The following BAZ2A variants were observed in gnomAD, a reference collection of about 807,000 sequenced individuals.
The protein encoded by BAZ2A is bromodomain adjacent to zinc finger domain 2A.
In BAZ2A, 34 loss-of-function variants were observed where a neutral mutation model predicts 199.9. The ratio of observed to expected loss-of-function variants is 0.17; its 90% CI spans 0.13 to 0.23. BAZ2A has a LOEUF of 0.23. Among genes scored for constraint, BAZ2A ranks in the 10% least tolerant of loss-of-function variants. The pLI is 1.00. For missense variants in BAZ2A, 2,002 were observed against 2,391.1 expected (o/e 0.84, Z 3.39); for synonymous variants, 857 against 883.9 (o/e 0.97, Z 0.54).
At chr12:56,604,933 A>G (rs1362133209) in intron 14 of BAZ2A, 134 bp from the exon 15 acceptor site, 12 of 1,381,550 alleles carry the variant, frequency 8.7e-6, no homozygotes, top group Non-Finnish European at 1.1e-5. Context: ...CCACAAAAGA[A>G]AAGGAAAAAA....
chr12:56,606,467 C>T lies in BAZ2A; in HGVS notation c.2194-155G>A, dbSNP rs945127248. 2.8e-5 allele frequency: 33 copies of T among 1,183,126 alleles called. No homozygotes were observed. In the East Asian group the frequency reaches 3.5e-4, roughly 13 times the overall value. The allele number at this position is 1,183,126 out of a possible 1,614,324, so 73.3% of individuals were successfully genotyped here. ...AATTCTCTCACCCTAGAGATGCCCA[C>T]GTTATTTTTGAACAAACCCAATTCT... On this transcript the variant is annotated intron_variant, in intron 11 of 28. Coordinates refer to ENST00000549884, the MANE Select transcript of BAZ2A (RefSeq NM_001300905.2).
chr12:56,629,497 T>C (rs969815659), intron 1 of BAZ2A, among the ~76,000 whole-genome samples: 1 of 152,084 alleles, frequency 6.6e-6, no homozygotes, highest in Non-Finnish European at 1.5e-5. Context: ...GCGGAAGCCC[T>C]ATCAACCTCC....
chr12:56,624,629 A>AC (rs1951023726), intron 1 of BAZ2A, among the ~76,000 whole-genome samples: 3 of 152,076 alleles, frequency 2.0e-5, no homozygotes, highest in African/African-American at 7.2e-5. Context: ...AAAAAAAAAA[A>AC]AAAAACTCAG....
intron 1 of BAZ2A, among the ~76,000 whole-genome samples, chr12:56,622,165 C>T (rs991007059): frequency 6.6e-6 from 1 of 151,966 alleles, no homozygotes; most frequent in Non-Finnish European, 1.5e-5. Flanking sequence ...ATGGCGAAAC[C>T]CCATCTCTAT....
Position 56,597,985 on chromosome 12 carries a change from A to G in BAZ2A, c.*633T>C, listed in dbSNP as rs1052339016. On this transcript the variant is annotated 3_prime_UTR_variant, in exon 29 of 29. Coordinates refer to ENST00000549884, the MANE Select transcript of BAZ2A (RefSeq NM_001300905.2). ...AGGGAAAAGATTTGGGAGAAGAGAA[A>G]AGGAGGGAGGAACCCGTACACGATA... 1.3e-5 allele frequency: 2 copies of G among 152,250 alleles called. No individual in the cohort carries two copies. The highest frequency in any genetic ancestry group is 1.3e-4 in the Admixed American group (2 of 15,260). 9.4% of individuals were successfully genotyped at this position (152,250 alleles called of 1,614,324 possible).
intron 1 of BAZ2A, among the ~76,000 whole-genome samples, chr12:56,624,272 C>CT (rs1296203954): frequency 6.6e-6 from 1 of 152,072 alleles, no homozygotes; most frequent in Admixed American, 6.5e-5. Context: ...CTAGTCAGGA[C>CT]TCCAAGTGAG....
At chr12:56,618,030 T>C (rs1565829206) in intron 1 of BAZ2A, among the ~76,000 whole-genome samples, 1 of 152,232 alleles carries the variant, frequency 6.6e-6, no homozygotes, top group African/African-American at 2.4e-5. Flanking sequence ...ACATAATTTC[T>C]AATTATCCTA....
intron 1 of BAZ2A, among the ~76,000 whole-genome samples, chr12:56,624,396 T>C (rs548730739): frequency 6.6e-6 from 1 of 152,350 alleles, no homozygotes; most frequent in Admixed American, 6.5e-5. Context: ...TCTGTCCTTA[T>C]TTCTTCTACA....
intron 1 of BAZ2A, among the ~76,000 whole-genome samples, chr12:56,620,920 C>A (rs1037744291): frequency 2.0e-5 from 3 of 152,110 alleles, no homozygotes; most frequent in Admixed American, 6.5e-5. Flanking sequence ...GAAAGATAAG[C>A]ATCATGAGAT....
chr12:56,601,134 G>T (rs181824538), intron 21 of BAZ2A, 36 bp from the exon 22 acceptor site: 5 of 1,613,808 alleles, frequency 3.1e-6, no homozygotes, highest in Non-Finnish European at 4.2e-6. Context: ...GGCGCCAGCT[G>T]TGAAGCACTG....
chr12:56,604,340 A>G (rs1469766035), intron 15 of BAZ2A, 49 bp from the exon 16 acceptor site: 1 of 1,531,598 alleles, frequency 6.5e-7, no homozygotes, highest in South Asian at 1.2e-5. Context: ...AAAAAAGGGA[A>G]AGGAGGCTCA....
chr12:56,610,401 T>C lies in BAZ2A; in HGVS notation c.1779+8A>G. 3 of 1,613,072 alleles carry C rather than the reference T, an allele frequency of 1.9e-6. No homozygotes were observed. The highest frequency in any genetic ancestry group is 1.3e-5 in the African/African-American group (1 of 74,996). On this transcript the variant is annotated splice_region_variant and intron_variant, in intron 8 of 28. Transcript: ENST00000549884. ...AAGAAAGCAGTCCTTTAAAAAAAGC[T>C]ACATTACCTTGATCACTTCTGGAAA...
In BAZ2A at chr12:56,600,458, A is replaced by G. The variant is rs1462103481; in HGVS notation, c.4635T>C (p.Arg1545=). Residue 1545 remains arginine, a synonymous_variant, in exon 24 of 29, where the codon CGT becomes CGC. Transcript: ENST00000549884. The stretch of plus-strand genomic sequence containing the variant: ...GGTGCTCACAGTAGGCCAAGTCTTC[A>G]CGGGTAGAGTCTGGGCTAGGACATG... ...GWTCPSPDST[R]EDLAYCEHLS... 1.2e-6 allele frequency: 2 copies of G among 1,613,900 alleles called. No individual in the cohort carries two copies. The highest frequency in any genetic ancestry group is 8.5e-7 in the Non-Finnish European group (1 of 1,179,878).
At chr12:56,618,356 A>G (rs1950791630) in intron 1 of BAZ2A, among the ~76,000 whole-genome samples, 1 of 152,152 alleles carries the variant, frequency 6.6e-6, no homozygotes, top group Non-Finnish European at 1.5e-5. Flanking sequence ...GTAAAGTGCA[A>G]TGGCTCATTG....
intron 1 of BAZ2A, among the ~76,000 whole-genome samples, chr12:56,628,361 G>C (rs762800075): frequency 8.6e-5 from 13 of 151,642 alleles, no homozygotes; most frequent in Non-Finnish European, 1.5e-4. Context: ...GGATTATCAA[G>C]TGAAAAGAAA....
At chr12:56,611,416 TGC>T in intron 7 of BAZ2A, 155 bp downstream of exon 7, 1 of 721,262 alleles carries the variant, frequency 1.4e-6, no homozygotes, top group Non-Finnish European at 2.3e-6. Flanking sequence ...AGGAATCTCA[TGC>T]CAAGAAACAT....
Position 56,613,089 on chromosome 12 carries a change from T to C in BAZ2A, c.1061A>G (p.Asp354Gly). The C allele has an allele frequency of 1.2e-6, 2 of 1,614,010 alleles. No homozygotes were observed. The highest frequency in any genetic ancestry group is 1.1e-5 in the South Asian group (1 of 91,084). ...GATAGAGGTTGATGTTTGACTATCA[T>C]CTGCCAGGAGACTGAAGGCAGTAGC... The part of the protein sequence containing the change: ...NNATAFSLLA[D>G]DSQTSTSIFA... Residue 354 changes from aspartate (D) to glycine (G), a missense_variant, in exon 5 of 29, where the codon GAT (aspartate) becomes GGT (glycine). Asp to Gly is a moderately conservative substitution (Grantham distance 94). Coordinates refer to ENST00000549884, the MANE Select transcript of BAZ2A (RefSeq NM_001300905.2).
upstream of BAZ2A, chr12:56,636,817 C>T (rs1357436548): frequency 6.5e-6 from 1 of 153,112 alleles, no homozygotes; most frequent in African/African-American, 2.4e-5. Context: ...AGCAAACTAC[C>T]AGCACAAGCA....
At chr12:56,620,024 T>G (rs1950862208) in intron 1 of BAZ2A, among the ~76,000 whole-genome samples, 1 of 152,152 alleles carries the variant, frequency 6.6e-6, no homozygotes, top group Admixed American at 6.6e-5. Context: ...GGAAAAAGTT[T>G]TTAGGACTTA....
Sources: gnomAD v4.1 joint callset for allele counts (sites outside exome capture counted in the v4.1 genomes callset) on GRCh38, gnomAD v4.1.1 for gene constraint, MANE v1.5 for transcripts, NCBI Gene and HGNC (gene_info 2026-07-23, HGNC 2026-07-21) for gene names.